RNF150: variants seen among roughly 807,000 people sequenced by gnomAD.
The protein encoded by RNF150 is ring finger protein 150.
Under a neutral mutation model 39.3 loss-of-function variants are expected in RNF150, and 24 were observed. The observed-to-expected ratio is 0.61, with a 90% CI of 0.44 to 0.86. The LOEUF is 0.86. RNF150 is among the 40% of genes least tolerant of loss of function. The pLI, the probability that RNF150 is intolerant of heterozygous loss-of-function variation, is 0.00. For missense variants in RNF150, 502 were observed against 587.8 expected (o/e 0.85, Z 1.51); for synonymous variants, 255 against 227.3 (o/e 1.12, Z -1.10).
intron 1 of RNF150, among the ~76,000 whole-genome samples, chr4:141,042,678 A>T (rs1405119446): frequency 6.6e-6 from 1 of 152,130 alleles, no homozygotes; most frequent in East Asian, 1.9e-4. Flanking sequence ...GAACACTAAA[A>T]ATCAATTTCT....
At chr4:141,093,616 C>T (rs1738676046) in intron 1 of RNF150, among the ~76,000 whole-genome samples, 1 of 152,104 alleles carries the variant, frequency 6.6e-6, no homozygotes, top group Admixed American at 6.5e-5. Context: ...CCTCACTCCC[C>T]AGATCATTTT....
At chr4:141,027,053 C>T (rs955398271) in intron 1 of RNF150, among the ~76,000 whole-genome samples, 1 of 152,142 alleles carries the variant, frequency 6.6e-6, no homozygotes, top group Non-Finnish European at 1.5e-5. Context: ...GGGGCCTGGT[C>T]GATGCCTTCT....
intron 1 of RNF150, among the ~76,000 whole-genome samples, chr4:141,065,208 T>A (rs188131106): frequency 7.7e-4 from 118 of 152,320 alleles, no homozygotes; most frequent in Non-Finnish European, 1.2e-3. Context: ...TAGGGCTTGA[T>A]GTCTCCAGAT....
intron 1 of RNF150, among the ~76,000 whole-genome samples, chr4:141,171,769 T>G (rs1295726796): frequency 6.6e-6 from 1 of 152,138 alleles, no homozygotes; most frequent in Non-Finnish European, 1.5e-5. Context: ...TAGGTTTTAT[T>G]TTGTAGATGT....
At chr4:141,034,953 ATGT>A in intron 1 of RNF150, among the ~76,000 whole-genome samples, 2 of 152,232 alleles carry the variant, frequency 1.3e-5, no homozygotes, top group Non-Finnish European at 1.5e-5. Flanking sequence ...CAGTGAGCAA[ATGT>A]TGTTGGAAAA....
intron 1 of RNF150, among the ~76,000 whole-genome samples, chr4:141,178,720 C>T (rs1442842405): frequency 6.6e-6 from 1 of 151,120 alleles, no homozygotes; most frequent in East Asian, 1.9e-4. Context: ...AGGTGGGATC[C>T]ATGTGGATGC....
At chr4:141,017,767 GCTTT>G (rs1408302111) in intron 1 of RNF150, among the ~76,000 whole-genome samples, 1 of 152,050 alleles carries the variant, frequency 6.6e-6, no homozygotes, top group East Asian at 1.9e-4. Flanking sequence ...TTTTCATATT[GCTTT>G]CTTTCACTTA....
chr4:140,913,438 C>A (rs1008828604), intron 5 of RNF150, among the ~76,000 whole-genome samples: 1 of 152,172 alleles, frequency 6.6e-6, no homozygotes, highest in African/African-American at 2.4e-5. Context: ...ACTCCCTCCT[C>A]TCAACACTGT....
intron 5 of RNF150, among the ~76,000 whole-genome samples, chr4:140,915,307 C>A (rs576539307): frequency 2.0e-5 from 3 of 152,138 alleles, no homozygotes; most frequent in Non-Finnish European, 1.5e-5. Context: ...GGTTTCAGTT[C>A]GATATAGCAA....
chr4:141,044,162 G>C (rs1289643193), intron 1 of RNF150, among the ~76,000 whole-genome samples: 1 of 152,188 alleles, frequency 6.6e-6, no homozygotes, highest in African/African-American at 2.4e-5. Flanking sequence ...AAACACATTA[G>C]AGAGGATGCC....
rs181709401 is a variant in RNF150, at chr4:141,193,145, A to G, written c.-6+19649T>C. 4.9e-3 allele frequency among the ~76,000 whole-genome samples: 748 copies of G among 152,350 alleles called. 1 individual carries two copies. Among genetic ancestry groups the G allele is most frequent in the Non-Finnish European group, 7.2e-3 (488 of 68,024 alleles). On this transcript the variant is annotated intron_variant, in intron 1 of 7. Coordinates refer to the RNF150 transcript ENST00000420921. ...ATATCTTATTTATTGCCTGTCTCCC[A>G]TGTAATGTAATGTAAGCTGTAAGGA...
In RNF150 at chr4:140,860,657, C is replaced by G. The variant is rs1399866362; in HGVS notation, c.*7604G>C. 6.6e-6 allele frequency: 1 copy of G among 152,138 alleles called. No individual in the cohort carries two copies. The highest frequency in any genetic ancestry group is 1.5e-5 in the Non-Finnish European group (1 of 68,026). The allele number at this position is 152,138 out of a possible 1,614,324, so 9.4% of individuals were successfully genotyped here. A position where few individuals can be genotyped will look rare whatever the true frequency, so the allele number is the denominator to read the frequency against. On this transcript the variant is annotated 3_prime_UTR_variant, in exon 7 of 7. Transcript: ENST00000515673. ...ATTTGTGTTAGGATGGAAAAAAAGCCATTGGAATTTCCTCTTGCTAGTAGG... is the reference window on the plus strand; with the variant it reads ...ATTTGTGTTAGGATGGAAAAAAAGCGATTGGAATTTCCTCTTGCTAGTAGG...
chr4:140,902,693 A>G (rs1730229521), intron 6 of RNF150, among the ~76,000 whole-genome samples: 1 of 152,232 alleles, frequency 6.6e-6, no homozygotes, highest in Non-Finnish European at 1.5e-5. Flanking sequence ...CTGTATAAGA[A>G]CCAGGTGAAT....
intron 6 of RNF150, among the ~76,000 whole-genome samples, chr4:140,891,198 C>T (rs1000233199): frequency 3.3e-5 from 5 of 152,130 alleles, no homozygotes; most frequent in Non-Finnish European, 7.3e-5. Context: ...AATTTTATCA[C>T]CATCATCACC....
intron 4 of RNF150, 145 bp from the exon 5 acceptor site, chr4:140,926,218 G>C (rs1731394639): frequency 1.6e-6 from 1 of 632,982 alleles, no homozygotes; most frequent in African/African-American, 1.8e-5. Context: ...GTGGGCCAAA[G>C]TGTTTCCTGT....
At chr4:141,027,187 C>T (rs937435022) in intron 1 of RNF150, among the ~76,000 whole-genome samples, 1 of 152,210 alleles carries the variant, frequency 6.6e-6, no homozygotes, top group East Asian at 1.9e-4. Flanking sequence ...AAAACGTCCC[C>T]GGAATGCAGT....
At chr4:140,984,071 T>C (rs935725768) in intron 1 of RNF150, among the ~76,000 whole-genome samples, 4 of 152,132 alleles carry the variant, frequency 2.6e-5, no homozygotes, top group African/African-American at 9.7e-5. Context: ...ACCTGTCACA[T>C]GAGGTCAGAT....
At chr4:140,880,683 G>A (rs762245263) in intron 6 of RNF150, among the ~76,000 whole-genome samples, 6 of 151,666 alleles carry the variant, frequency 4.0e-5, no homozygotes, top group Non-Finnish European at 8.8e-5. Flanking sequence ...TAAACAAAAG[G>A]TCTTTTTATT....
intron 1 of RNF150, among the ~76,000 whole-genome samples, chr4:141,129,353 C>T (rs184583262): frequency 1.4e-3 from 213 of 152,182 alleles, no homozygotes; most frequent in Non-Finnish European, 1.8e-3. Context: ...ATCAAAGAGG[C>T]CAATCACAGA....
Sources: allele counts gnomAD v4.1 joint callset (sites outside exome capture counted in the v4.1 genomes callset), GRCh38; gene constraint gnomAD v4.1.1; transcripts MANE v1.5; gene names NCBI Gene and HGNC (gene_info 2026-07-23, HGNC 2026-07-21).